Variants in ELOC observed in about 807,000 individuals in gnomAD.
ELOC encodes elongin-C.
For missense variants in ELOC, 38 were observed against 139.0 expected, an observed-to-expected ratio of 0.27 and a Z score of 3.65; for synonymous variants, 40 against 51.3, an observed-to-expected ratio of 0.78 and a Z score of 0.94.
intron 1 of ELOC, among the ~76,000 whole-genome samples, chr8:73,971,064 A>C (rs1302372078): frequency 1.3e-5 from 2 of 150,334 alleles, no homozygotes; most frequent in African/African-American, 4.9e-5. Flanking sequence ...AAAAGAAAAA[A>C]AGCAAATATG....
At chr8:73,970,600 G>C (rs964930355) in intron 1 of ELOC, 3 of 152,070 alleles carry the variant, frequency 2.0e-5, no homozygotes, top group Non-Finnish European at 2.9e-5. Context: ...CCTTGCCATT[G>C]TATCTCCAGA....
intron 1 of ELOC, among the ~76,000 whole-genome samples, chr8:73,970,859 C>CA (rs1815315225): frequency 6.9e-6 from 1 of 144,644 alleles, no homozygotes; most frequent in African/African-American, 2.6e-5. Context: ...TACTAAAAAA[C>CA]AAAACAAAAC....
chr8:73,959,614 G>C, intron 2 of ELOC, 151 bp downstream of exon 2: 2 of 571,568 alleles, frequency 3.5e-6, no homozygotes, highest in Non-Finnish European at 3.0e-6. Flanking sequence ...CATTATGTAG[G>C]GCATGACTGT....
chr8:73,960,489 C>CT (rs1285328160), intron 1 of ELOC, among the ~76,000 whole-genome samples: 3 of 152,120 alleles, frequency 2.0e-5, no homozygotes, highest in African/African-American at 7.2e-5. Context: ...TTTGAGGTGC[C>CT]TTTTTTGATA....
chr8:73,966,864 T>A (rs1815013985), intron 1 of ELOC, among the ~76,000 whole-genome samples: 1 of 152,166 alleles, frequency 6.6e-6, no homozygotes, highest in Admixed American at 6.5e-5. Context: ...GTTTCATCAC[T>A]CCTATCTATC....
intron 1 of ELOC, chr8:73,970,658 G>A (rs904091206): frequency 3.3e-5 from 5 of 152,100 alleles, no homozygotes; most frequent in Non-Finnish European, 5.9e-5. Flanking sequence ...TGATTATAAT[G>A]TAAATGAGAT....
chr8:73,965,125 C>T lies in ELOC; in HGVS notation c.-50-5307G>A, dbSNP rs555681577. ...GAACTGGAAAAAAATATTCACAACG[C>T]GTATCTGACAATGGATTTGCATCTA... On this transcript the variant is annotated intron_variant, in intron 1 of 3. Coordinates refer to ENST00000520242, the MANE Select transcript of ELOC (RefSeq NM_005648.4). Among the ~76,000 whole-genome samples the T allele has an allele frequency of 1.1e-3, 162 of 149,516 alleles. 1 individual carries two copies. Among genetic ancestry groups the T allele is most frequent in the African/African-American group, 3.8e-3 (154 of 40,726 alleles).
At chr8:73,956,371 C>T (rs1814190373) in intron 2 of ELOC, among the ~76,000 whole-genome samples, 3 of 151,886 alleles carry the variant, frequency 2.0e-5, no homozygotes, top group African/African-American at 7.3e-5. Context: ...GATGACAGAG[C>T]AAAGCTCCAT....
intron 2 of ELOC, among the ~76,000 whole-genome samples, chr8:73,957,137 C>G (rs953684715): frequency 6.6e-6 from 1 of 150,762 alleles, no homozygotes; most frequent in Non-Finnish European, 1.5e-5. Flanking sequence ...TGCGCCACTG[C>G]ACTCCAGCCT....
At position 73,968,381 on chromosome 8, in the gene ELOC, A is replaced by T. The variant is rs181142381; in HGVS notation, c.-51+3696T>A. On this transcript the variant is annotated intron_variant, in intron 1 of 3. Transcript: ENST00000520242. Reference sequence around the variant, plus strand: ...ACAACACAGAACTTAAGGGCTGCAGAGCGCTGCATGTTCTGAGTCTGTCTG... The same window carrying T: ...ACAACACAGAACTTAAGGGCTGCAGTGCGCTGCATGTTCTGAGTCTGTCTG... Among the ~76,000 whole-genome samples the T allele has an allele frequency of 3.9e-3, 597 of 152,288 alleles. 5 individuals carry two copies. The highest frequency in any genetic ancestry group is 0.014 in the African/African-American group (574 of 41,564).
intron 3 of ELOC, among the ~76,000 whole-genome samples, chr8:73,951,203 C>T (rs1354214051): frequency 6.6e-6 from 1 of 152,162 alleles, no homozygotes; most frequent in Admixed American, 6.5e-5. Flanking sequence ...ACCCTAGAGG[C>T]AGAGGTTGCA....
intron 2 of ELOC, among the ~76,000 whole-genome samples, chr8:73,956,525 C>A (rs1235378663): frequency 2.0e-5 from 3 of 152,308 alleles, no homozygotes; most frequent in African/African-American, 7.2e-5. Flanking sequence ...TTTTATACTT[C>A]TCTATCAACA....
intron 3 of ELOC, among the ~76,000 whole-genome samples, chr8:73,947,611 T>C (rs1294753461): frequency 1.3e-5 from 2 of 152,096 alleles, no homozygotes; most frequent in Admixed American, 6.5e-5. Context: ...TCTTGATCTG[T>C]TGCCCAGGCT....
At chr8:73,954,740 GCTGA>G (rs1193145963) in intron 3 of ELOC, among the ~76,000 whole-genome samples, 1 of 151,230 alleles carries the variant, frequency 6.6e-6, no homozygotes, top group Non-Finnish European at 1.5e-5. Flanking sequence ...TGGTTAAAAG[GCTGA>G]CTATGGGCCG....
chr8:73,946,663 T>C lies in ELOC; in HGVS notation c.306A>G (p.Glu102=), dbSNP rs1483828096. 6.2e-7 allele frequency: 1 copy of C among 1,608,744 alleles called. No homozygotes were observed. The highest frequency in any genetic ancestry group is 2.2e-5 in the East Asian group (1 of 44,814). ...EFPIAPEIAL[E]LLMAANFLDC ...CTAAGAAGTTCGCAGCCATCAGCAG[T>C]TCCAGTGCAATTTCAGGTGCAATTG... The change falls in exon 4 of 4, where the codon GAA becomes GAG. Residue 102 remains glutamate (E), a synonymous_variant. Coordinates refer to ENST00000520242, the MANE Select transcript of ELOC (RefSeq NM_005648.4).
intron 1 of ELOC, among the ~76,000 whole-genome samples, chr8:73,970,173 T>C (rs565931656): frequency 1.0e-3 from 158 of 152,116 alleles, no homozygotes; most frequent in African/African-American, 3.5e-3. Flanking sequence ...GCCCAGGAGG[T>C]TGAGGCTAGA....
chr8:73,968,384 G>A (rs1815133902), intron 1 of ELOC, among the ~76,000 whole-genome samples: 1 of 152,096 alleles, frequency 6.6e-6, no homozygotes, highest in African/African-American at 2.4e-5. Flanking sequence ...GCTGCAGAGC[G>A]CTGCATGTTC....
chr8:73,960,189 T>C (rs1309857227), intron 1 of ELOC, among the ~76,000 whole-genome samples: 1 of 152,172 alleles, frequency 6.6e-6, no homozygotes, highest in Non-Finnish European at 1.5e-5. Context: ...AACATAATTA[T>C]CGAGAAAAAA....
At chr8:73,967,076 G>A (rs1174956375) in intron 1 of ELOC, among the ~76,000 whole-genome samples, 3 of 152,128 alleles carry the variant, frequency 2.0e-5, no homozygotes, top group Non-Finnish European at 4.4e-5. Flanking sequence ...ACATATAAAA[G>A]CACTCAGAAT....
Sources: gnomAD v4.1 joint callset for allele counts (sites outside exome capture counted in the v4.1 genomes callset) on GRCh38, gnomAD v4.1.1 for gene constraint, MANE v1.5 for transcripts, NCBI Gene and HGNC (gene_info 2026-07-23, HGNC 2026-07-21) for gene names.